The following ZSWIM6 variants were observed in gnomAD, a reference collection of about 807,000 sequenced individuals.
ZSWIM6 encodes the protein zinc finger SWIM domain-containing protein 6.
In ZSWIM6, 9 loss-of-function variants were observed where a neutral mutation model predicts 113.2. The observed-to-expected ratio is 0.08, with a 90% CI of 0.05 to 0.14. The LOEUF (loss-of-function observed/expected upper bound fraction) is 0.14, where lower values mean the gene tolerates loss of function less well. ZSWIM6 is among the 10% of genes least tolerant of loss of function. The pLI, the probability that ZSWIM6 is intolerant of heterozygous loss-of-function variation, is 1.00. For missense variants in ZSWIM6, 1,162 were observed against 1,552.2 expected (o/e 0.75, Z 4.22); for synonymous variants, 611 against 606.5 (o/e 1.01, Z -0.11).
intron 1 of ZSWIM6, among the ~76,000 whole-genome samples, chr5:61,371,023 G>A (rs553899132): frequency 6.6e-6 from 1 of 152,296 alleles, no homozygotes; most frequent in Admixed American, 6.5e-5. Context: ...TGGACAGCAC[G>A]AGCTCTGGGG....
chr5:61,409,037 A>G (rs1405758994), intron 1 of ZSWIM6, among the ~76,000 whole-genome samples: 3 of 122,608 alleles, frequency 2.4e-5, no homozygotes, highest in African/African-American at 9.5e-5. Context: ...CTTCTAAATT[A>G]TGATTATAGA....
In ZSWIM6 at chr5:61,525,815, C is replaced by A; in HGVS notation, c.1529C>A (p.Pro510Gln). The A allele has an allele frequency of 6.4e-7, 1 of 1,551,638 alleles. No individual in the cohort carries two copies. Among genetic ancestry groups the A allele is most frequent in the Non-Finnish European group, 8.7e-7 (1 of 1,146,948 alleles). ...ANANQDSSNR[P>Q]HRTVFTRAIE... ...GAAAAAACAGATTCATCGAACAGGCCACATCGGACAGTGTTCACCCGAGCC... is the reference window on the plus strand; with the variant it reads ...GAAAAAACAGATTCATCGAACAGGCAACATCGGACAGTGTTCACCCGAGCC... The change falls in exon 6 of 14, where the codon CCA (proline) becomes CAA (glutamine). Residue 510 changes from proline to glutamine, a missense_variant. Pro to Gln is a moderately conservative substitution (Grantham distance 76, BLOSUM62 -1). Transcript: ENST00000252744.
chr5:61,399,008 C>T (rs1456581666), intron 1 of ZSWIM6, among the ~76,000 whole-genome samples: 5 of 148,774 alleles, frequency 3.4e-5, no homozygotes, highest in East Asian at 2.0e-4. Context: ...CTGCAACCTC[C>T]GCCTCCTGGT....
rs903328429 is a variant in ZSWIM6 at position 61,517,136 on chromosome 5, T to G, written c.1334-4127T>G. Among the ~76,000 whole-genome samples the G allele has an allele frequency of 1.5e-4, 23 of 152,140 alleles. 2 individuals are homozygous for G. The highest frequency in any genetic ancestry group is 9.8e-4 in the Admixed American group (15 of 15,270). On this transcript the variant is annotated intron_variant, in intron 4 of 13. Transcript: ENST00000252744. ...GGGAATGGTTTTCTTTGAGTTTATC[T>G]TATTTGAGGTTGGCTAAGCTTCTTG...
At position 61,543,319 on chromosome 5, in the gene ZSWIM6, A is replaced by G; in HGVS notation, c.2786-136A>G. ...CTTAAAGGTTTCTCACAGGCACATT[A>G]CTTTACAGGATTTTCTAGCCTAGCT... is the stretch of plus-strand genomic sequence containing the variant. On this transcript the variant is annotated intron_variant, in intron 13 of 13. Coordinates refer to ENST00000252744, the MANE Select transcript of ZSWIM6 (RefSeq NM_020928.2). The surrounding 1 kb of genome is among the most constrained non-coding windows in gnomAD (Gnocchi z 4.3). The G allele has an allele frequency of 9.7e-7, 1 of 1,026,890 alleles. No homozygotes were observed. The highest frequency in any genetic ancestry group is 1.4e-6 in the Non-Finnish European group (1 of 726,692). The allele number at this position is 1,026,890 out of a possible 1,614,324, so 63.6% of individuals were successfully genotyped here.
intron 10 of ZSWIM6, among the ~76,000 whole-genome samples, chr5:61,537,128 AATAGC>A (rs1348875652): frequency 6.6e-6 from 1 of 152,160 alleles, no homozygotes; most frequent in Non-Finnish European, 1.5e-5. Context: ...TTAAGGGTAA[AATAGC>A]ATAAAGTTTC....
chr5:61,356,724 AAT>A (rs1407823870), intron 1 of ZSWIM6, among the ~76,000 whole-genome samples: 2 of 71,154 alleles, frequency 2.8e-5, no homozygotes, highest in East Asian at 5.5e-4. Context: ...TATATAACAT[AAT>A]ATATAATATA....
intron 1 of ZSWIM6, among the ~76,000 whole-genome samples, chr5:61,410,043 T>G (rs1221306130): frequency 1.3e-5 from 2 of 152,176 alleles, no homozygotes; most frequent in Non-Finnish European, 2.9e-5. Flanking sequence ...TTGTCCTTCA[T>G]GTTGAGAAGC....
chr5:61,540,302 A>G (rs527721459), intron 12 of ZSWIM6, among the ~76,000 whole-genome samples: 2 of 152,216 alleles, frequency 1.3e-5, no homozygotes, highest in Non-Finnish European at 2.9e-5. Context: ...TTCGTCATGC[A>G]GATAGATGTT....
At chr5:61,384,597 G>T (rs960779241) in intron 1 of ZSWIM6, among the ~76,000 whole-genome samples, 3 of 152,160 alleles carry the variant, frequency 2.0e-5, no homozygotes, top group Admixed American at 6.5e-5. Context: ...TGAGATTATT[G>T]TTTCTGTTTG....
At chr5:61,452,935 A>C in intron 1 of ZSWIM6, among the ~76,000 whole-genome samples, 1 of 152,154 alleles carries the variant, frequency 6.6e-6, no homozygotes, top group African/African-American at 2.4e-5. Context: ...TACTGGTTAG[A>C]TGCTTTGTAG....
intron 2 of ZSWIM6, among the ~76,000 whole-genome samples, chr5:61,478,555 A>G (rs952911464): frequency 2.6e-5 from 4 of 152,106 alleles, no homozygotes; most frequent in Admixed American, 2.6e-4. Context: ...CTGTTATTAT[A>G]TAGTTGTTTT....
At chr5:61,436,074 G>C (rs543354557) in intron 1 of ZSWIM6, among the ~76,000 whole-genome samples, 1 of 152,082 alleles carries the variant, frequency 6.6e-6, no homozygotes, top group East Asian at 1.9e-4. Context: ...GGTGGTGCAT[G>C]CCTGTAATCC....
chr5:61,381,431 G>A (rs985708123), intron 1 of ZSWIM6, among the ~76,000 whole-genome samples: 2 of 152,152 alleles, frequency 1.3e-5, no homozygotes, highest in Non-Finnish European at 2.9e-5. Flanking sequence ...CTTTTTTAAA[G>A]TGAAAATTAT....
intron 4 of ZSWIM6, among the ~76,000 whole-genome samples, chr5:61,503,688 A>C (rs1365233227): frequency 6.6e-6 from 1 of 152,178 alleles, no homozygotes; most frequent in Non-Finnish European, 1.5e-5. Context: ...AGATGAGATT[A>C]ATATATCCAG....
At chr5:61,375,126 C>A (rs1332793355) in intron 1 of ZSWIM6, 2 of 1,610,416 alleles carry the variant, frequency 1.2e-6, no homozygotes, top group East Asian at 2.2e-5. Flanking sequence ...GGAAGCGGGA[C>A]AATCGGGTGG....
intron 1 of ZSWIM6, chr5:61,391,476 C>G: frequency 7.6e-7 from 1 of 1,319,498 alleles, no homozygotes; most frequent in Non-Finnish European, 1.1e-6. Context: ...TCTTGCAGTA[C>G]TTGGTAAAGG....
intron 12 of ZSWIM6, among the ~76,000 whole-genome samples, chr5:61,540,652 TG>T (rs1245018742): frequency 2.6e-5 from 4 of 152,156 alleles, no homozygotes; most frequent in African/African-American, 9.7e-5. Context: ...AGAAGTTTTT[TG>T]TTTTTTTTTA....
chr5:61,449,745 G>A (rs1033000731), intron 1 of ZSWIM6, among the ~76,000 whole-genome samples: 10 of 152,160 alleles, frequency 6.6e-5, no homozygotes, highest in African/African-American at 2.4e-4. Context: ...GCTTGATGGG[G>A]CACCCATTCC....
Sources: allele counts gnomAD v4.1 joint callset (sites outside exome capture counted in the v4.1 genomes callset), GRCh38; gene constraint gnomAD v4.1.1; non-coding constraint Gnocchi (gnomAD v3.1); transcripts MANE v1.5; gene names NCBI Gene and HGNC (gene_info 2026-07-23, HGNC 2026-07-21).